Variants in TDRD15 observed in about 807,000 individuals in gnomAD.
TDRD15 encodes tudor domain-containing protein 15.
For missense variants in TDRD15, 1,416 were observed against 904.7 expected (o/e 1.57, Z -7.25); for synonymous variants, 503 against 314.5 (o/e 1.60, Z -6.34).
At position 21,142,915 on chromosome 2, in the gene TDRD15, C is replaced by A; in HGVS notation, c.5448C>A (p.Asp1816Glu). The A allele has an allele frequency of 1.4e-6, 1 of 696,362 alleles. No homozygotes were observed. Among genetic ancestry groups the A allele is most frequent in the South Asian group, 1.6e-5 (1 of 62,936 alleles). 43.1% of individuals were successfully genotyped at this position (696,362 alleles called of 1,614,324 possible). ...SPQSLCLVLV[D>E]YGFSFYIRYS... Reference sequence around the variant, plus strand: ...AGTCTTTATGTCTTGTGTTGGTTGACTATGGATTTTCTTTTTATATACGTT... The same window carrying A: ...AGTCTTTATGTCTTGTGTTGGTTGAATATGGATTTTCTTTTTATATACGTT... Residue 1816 changes from aspartate to glutamate, a missense_variant, in exon 4 of 4, where the codon GAC becomes GAA. By Grantham distance (45) the Asp-to-Glu change is conservative (BLOSUM62 2). Transcript: ENST00000405799.
intron 1 of TDRD15, among the ~76,000 whole-genome samples, chr2:21,125,506 CGT>C (rs1215942308): frequency 2.0e-5 from 3 of 148,126 alleles, no homozygotes; most frequent in African/African-American, 5.0e-5. Flanking sequence ...TGTGTGTGTG[CGT>C]GAGAGAGAGA....
chr2:21,132,081 C>T (rs915677946), intron 2 of TDRD15, among the ~76,000 whole-genome samples: 3 of 152,086 alleles, frequency 2.0e-5, no homozygotes, highest in African/African-American at 7.2e-5. Flanking sequence ...ACGAAGCAAG[C>T]TGTGCTCTGA....
chr2:21,127,807 G>A (rs1488968792), intron 2 of TDRD15, 96 bp downstream of exon 2: 1 of 152,134 alleles, frequency 6.6e-6, no homozygotes, highest in Non-Finnish European at 1.5e-5. Flanking sequence ...AAAAGGTTTA[G>A]AATCGCGTTT....
intron 2 of TDRD15, among the ~76,000 whole-genome samples, chr2:21,131,324 T>TCACATG (rs1471907246): frequency 5.3e-5 from 8 of 152,352 alleles, no homozygotes; most frequent in African/African-American, 1.9e-4. Flanking sequence ...TTAATCCATG[T>TCACATG]GATATCTTAT....
At chr2:21,124,307 C>T (rs1033225053) in intron 1 of TDRD15, among the ~76,000 whole-genome samples, 1 of 152,170 alleles carries the variant, frequency 6.6e-6, no homozygotes, top group African/African-American at 2.4e-5. Flanking sequence ...GAGCACCCAG[C>T]ACATGGGGTC....
rs895395972 is a variant in TDRD15, at chr2:21,137,622, A to G, written c.155A>G (p.His52Arg). The change falls in exon 4 of 4, where the codon CAT becomes CGT. Residue 52 changes from histidine (H) to arginine (R), a missense_variant. Physicochemically the swap from His to Arg is conservative, Grantham distance 29 (BLOSUM62 0). Transcript: ENST00000405799. ...CATGTATTGCAGAGAGAAATACAACATACTCCAAAAGTGAAAAATAATGTG... is the reference window on the plus strand; with the variant it reads ...CATGTATTGCAGAGAGAAATACAACGTACTCCAAAAGTGAAAAATAATGTG... ...DYHVLQREIQ[H>R]TPKVKNNVEI... is the part of the protein sequence containing the mutation. 1.5e-5 allele frequency: 11 copies of G among 715,150 alleles called. No individual in the cohort carries two copies. Among genetic ancestry groups the G allele is most frequent in the African/African-American group, 3.5e-5 (2 of 57,138 alleles). The allele number at this position is 715,150 out of a possible 1,614,324, so 44.3% of individuals were successfully genotyped here.
In TDRD15 at chr2:21,138,739, G is replaced by A. The variant is rs1665862424; in HGVS notation, c.1272G>A (p.Pro424=). The A allele has an allele frequency of 2.8e-6, 2 of 715,894 alleles. No individual in the cohort carries two copies. The highest frequency in any genetic ancestry group is 2.6e-6 in the Non-Finnish European group (1 of 384,184). The allele number at this position is 715,894 out of a possible 1,614,324, so 44.3% of individuals were successfully genotyped here. A position where few individuals can be genotyped will look rare whatever the true frequency, so the allele number is the denominator to read the frequency against. ...CTGTAGGCACACAAGTACTTTGTCC[G>A]ATGTCTGATTCAAAAATCTCCAATA... ...LKTVGTQVLC[P]MSDSKISNIL... is the part of the protein sequence containing the mutation. Residue 424 remains proline, a synonymous_variant, in exon 4 of 4, where the codon CCG becomes CCA. Transcript: ENST00000405799.
chr2:21,140,516 G>A lies in TDRD15; in HGVS notation c.3049G>A (p.Val1017Met), dbSNP rs1047727816. Residue 1017 changes from valine (V) to methionine (M), a missense_variant, in exon 4 of 4, where the codon GTG becomes ATG. Transcript: ENST00000405799. The part of the protein sequence containing the change: ...FPKYDSNKMR[V>M]CISKYVEDGL... ...AAAATATGATTCTAATAAAATGAGA[G>A]TGTGCATATCTAAGTATGTAGAGGA... is the stretch of plus-strand genomic sequence containing the variant. The A allele has an allele frequency of 1.4e-6, 1 of 693,318 alleles. No homozygotes were observed. The highest frequency in any genetic ancestry group is 1.8e-5 in the African/African-American group (1 of 55,940). The allele number at this position is 693,318 out of a possible 1,614,324, so 42.9% of individuals were successfully genotyped here.
chr2:21,131,960 T>C (rs769313704), intron 2 of TDRD15, among the ~76,000 whole-genome samples: 9 of 151,682 alleles, frequency 5.9e-5, no homozygotes, highest in Non-Finnish European at 1.0e-4. Flanking sequence ...GTAGAGAGGG[T>C]AGGGAGGGGC....
intron 3 of TDRD15, among the ~76,000 whole-genome samples, chr2:21,135,978 T>C (rs1010731141): frequency 6.6e-6 from 1 of 151,818 alleles, no homozygotes; most frequent in African/African-American, 2.4e-5. Context: ...ATGAAGGAGA[T>C]CTTCTGGGTA....
In TDRD15 at chr2:21,139,307, G is replaced by T; in HGVS notation, c.1840G>T (p.Asp614Tyr). The T allele has an allele frequency of 1.4e-6, 1 of 708,056 alleles. No homozygotes were observed. Among genetic ancestry groups the T allele is most frequent in the South Asian group, 1.5e-5 (1 of 65,244 alleles). 43.9% of individuals were successfully genotyped at this position (708,056 alleles called of 1,614,324 possible). A position where few individuals can be genotyped will look rare whatever the true frequency, so the allele number is the denominator to read the frequency against. The change falls in exon 4 of 4, where the codon GAT (aspartate) becomes TAT (tyrosine). Residue 614 changes from aspartate (D) to tyrosine (Y), a missense_variant. By Grantham distance (160) the Asp-to-Tyr change is radical. Transcript: ENST00000405799. ...AGATTTATGGACTAAGGCTGCAATT[G>T]ATTATTTTAAAAAATTAGTTTTGAA... Reference protein sequence around the residue: ...VEDLWTKAAIDYFKKLVLNKA... With the variant: ...VEDLWTKAAIYYFKKLVLNKA...
At chr2:21,136,727 CCA>C (rs1487905609) in intron 3 of TDRD15, among the ~76,000 whole-genome samples, 2 of 151,994 alleles carry the variant, frequency 1.3e-5, no homozygotes, top group African/African-American at 4.8e-5. Context: ...TCCTAAAAAT[CCA>C]CAGATTAGCT....
Position 21,143,540 on chromosome 2 carries a change from A to G in TDRD15, c.*268A>G, listed in dbSNP as rs1034881091. Among the ~76,000 whole-genome samples the G allele has an allele frequency of 6.6e-6, 1 of 151,626 alleles. No homozygotes were observed. The highest frequency in any genetic ancestry group is 1.5e-5 in the Non-Finnish European group (1 of 67,680). On this transcript the variant is annotated 3_prime_UTR_variant, in exon 4 of 4. Coordinates refer to ENST00000405799, the MANE Select transcript of TDRD15 (RefSeq NM_001306137.2). The stretch of plus-strand genomic sequence containing the variant: ...ACAGCTTCATTTTGGGAACTGCCTG[A>G]TGGTTTGAAGAACAGCAGTCACGTT...
chr2:21,142,887 C>G lies in TDRD15; in HGVS notation c.5420C>G (p.Pro1807Arg). The G allele has an allele frequency of 1.4e-6, 1 of 706,746 alleles. No homozygotes were observed. Among genetic ancestry groups the G allele is most frequent in the Non-Finnish European group, 2.6e-6 (1 of 381,268 alleles). The allele number at this position is 706,746 out of a possible 1,614,324, so 43.8% of individuals were successfully genotyped here. ...AGAGTAGAAATTTCTGAAGTCTCAC[C>G]TCAGTCTTTATGTCTTGTGTTGGTT... is the stretch of plus-strand genomic sequence containing the variant. Reference protein sequence around the residue: ...WNRVEISEVSPQSLCLVLVDY... With the variant: ...WNRVEISEVSRQSLCLVLVDY... Residue 1807 changes from proline to arginine, a missense_variant, in exon 4 of 4, where the codon CCT (proline) becomes CGT (arginine). Physicochemically the swap from Pro to Arg is moderately radical, Grantham distance 103. Transcript: ENST00000405799.
At chr2:21,124,641 G>C (rs540316704) in intron 1 of TDRD15, among the ~76,000 whole-genome samples, 1 of 141,876 alleles carries the variant, frequency 7.0e-6, no homozygotes, top group Non-Finnish European at 1.5e-5. Context: ...GTGACAGAGT[G>C]ATCCTAATGC....
intron 1 of TDRD15, among the ~76,000 whole-genome samples, 158 bp downstream of exon 1, chr2:21,124,204 T>C (rs1394159449): frequency 6.6e-6 from 1 of 152,114 alleles, no homozygotes; most frequent in African/African-American, 2.4e-5. Context: ...CTGCTTCTGT[T>C]CTCCCTACCT....
chr2:21,139,755 C>T lies in TDRD15; in HGVS notation c.2288C>T (p.Ser763Phe), dbSNP rs1261886642. Residue 763 changes from serine to phenylalanine, a missense_variant, in exon 4 of 4, where the codon TCC becomes TTC. By Grantham distance (155) the Ser-to-Phe change is radical. Coordinates refer to ENST00000405799, the MANE Select transcript of TDRD15 (RefSeq NM_001306137.2). Reference sequence around the variant, plus strand: ...GGAACAGTTCTTGAAGTTAAATGTTCCTGTTATTATGGCCCAGGTGACTTT... The same window carrying T: ...GGAACAGTTCTTGAAGTTAAATGTTTCTGTTATTATGGCCCAGGTGACTTT... ...RPGTVLEVKC[S>F]CYYGPGDFSC... is the part of the protein sequence containing the mutation. 1 of 715,244 alleles carries T rather than the reference C, an allele frequency of 1.4e-6. No homozygotes were observed. Among genetic ancestry groups the T allele is most frequent in the Non-Finnish European group, 2.6e-6 (1 of 383,994 alleles). The allele number at this position is 715,244 out of a possible 1,614,324, so 44.3% of individuals were successfully genotyped here.
intron 1 of TDRD15, among the ~76,000 whole-genome samples, chr2:21,126,283 A>G (rs556366766): frequency 2.0e-5 from 3 of 152,268 alleles, no homozygotes; most frequent in African/African-American, 7.2e-5. Context: ...AAATGGACTC[A>G]TAAAATGTGT....
Position 21,138,263 on chromosome 2 carries a change from G to T in TDRD15, c.796G>T (p.Glu266Ter), listed in dbSNP as rs1265172095. ...FYCQLIKWTP[E>*]LENLTAHMTL... ...TTGTCAGTTAATTAAATGGACTCCA[G>T]AGCTAGAAAACTTGACAGCACATAT... Residue 266 changes from glutamate (E) to a stop codon, truncating the protein, a stop_gained, in exon 4 of 4, where the codon GAG becomes TAG. Coordinates refer to ENST00000405799, the MANE Select transcript of TDRD15 (RefSeq NM_001306137.2). LOFTEE classifies it low-confidence loss of function (END_TRUNC). 2 of 716,158 alleles carry T rather than the reference G, an allele frequency of 2.8e-6. No homozygotes were observed. Among genetic ancestry groups the T allele is most frequent in the Non-Finnish European group, 5.2e-6 (2 of 384,352 alleles). 44.4% of individuals were successfully genotyped at this position (716,158 alleles called of 1,614,324 possible).
Sources: gnomAD v4.1 joint callset for allele counts (sites outside exome capture counted in the v4.1 genomes callset) on GRCh38, gnomAD v4.1.1 for gene constraint, MANE v1.5 for transcripts, NCBI Gene and HGNC (gene_info 2026-07-23, HGNC 2026-07-21) for gene names.